Variants in PIEZO2 observed in about 807,000 individuals in gnomAD.
The protein encoded by PIEZO2 is piezo type mechanosensitive ion channel component 2, also known as piezo-type mechanosensitive ion channel component 2.
Under a neutral mutation model 337.3 loss-of-function variants are expected in PIEZO2, and 172 were observed. That is an observed-to-expected ratio of 0.51 (90% CI 0.45 to 0.58). The LOEUF (loss-of-function observed/expected upper bound fraction) is 0.58, where lower values mean the gene tolerates loss of function less well. Ranked by LOEUF, PIEZO2 falls within the 20% of genes least tolerant of loss-of-function variation. The pLI is 0.00. For synonymous variants in PIEZO2, 1,251 were observed against 1,228.5 expected (o/e 1.02, Z -0.38); for missense variants, 3,028 against 3,391.3 (o/e 0.89, Z 2.66).
Position 10,726,985 on chromosome 18 carries a change from A to G in PIEZO2, c.5029+4422T>C. ...CAGAGGCCCTGGACAGAAGCTCCAG[A>G]TAGGCCCCCAGAACATGAAGCTGTT... On this transcript the variant is annotated intron_variant, in intron 36 of 55. Coordinates refer to ENST00000674853, the MANE Select transcript of PIEZO2 (RefSeq NM_001378183.1). The surrounding 1 kb of genome is among the most constrained non-coding windows in gnomAD (Gnocchi z 5.9). The G allele has an allele frequency of 2.6e-6, 3 of 1,132,308 alleles. No homozygotes were observed. The highest frequency in any genetic ancestry group is 2.5e-6 in the Non-Finnish European group (2 of 799,816). The allele number at this position is 1,132,308 out of a possible 1,614,324, so 70.1% of individuals were successfully genotyped here. A position where few individuals can be genotyped will look rare whatever the true frequency, so the allele number is the denominator to read the frequency against.
chr18:10,901,023 A>C (rs1382165340), intron 4 of PIEZO2, among the ~76,000 whole-genome samples: 4 of 152,208 alleles, frequency 2.6e-5, no homozygotes, highest in African/African-American at 4.8e-5. Flanking sequence ...AGATTTATTA[A>C]AAACAAACAC....
chr18:10,702,611 A>G (rs572627695), intron 42 of PIEZO2, among the ~76,000 whole-genome samples: 53 of 152,330 alleles, frequency 3.5e-4, no homozygotes, highest in African/African-American at 1.2e-3. Context: ...CACGGTTAGG[A>G]TGTATGTAGT....
chr18:10,728,972 A>AC, intron 36 of PIEZO2, among the ~76,000 whole-genome samples: 1 of 148,156 alleles, frequency 6.7e-6, no homozygotes, highest in Non-Finnish European at 1.5e-5. Flanking sequence ...AAAAAAAAAA[A>AC]AACAAAAACC....
intron 2 of PIEZO2, among the ~76,000 whole-genome samples, chr18:11,018,223 GT>G (rs1257837596): frequency 6.2e-4 from 40 of 64,618 alleles, no homozygotes; most frequent in Admixed American, 4.1e-3. Flanking sequence ...TGGTGGTGGT[GT>G]GTGTGTGTGT....
At chr18:10,925,501 GCATGCA>G (rs1193577956) in intron 3 of PIEZO2, among the ~76,000 whole-genome samples, 1 of 152,112 alleles carries the variant, frequency 6.6e-6, no homozygotes, top group Non-Finnish European at 1.5e-5. Flanking sequence ...TAATCAGGCT[GCATGCA>G]CACACATTCC....
chr18:10,755,401 A>G (rs570208963), intron 27 of PIEZO2, among the ~76,000 whole-genome samples: 107 of 152,292 alleles, frequency 7.0e-4, no homozygotes, highest in African/African-American at 2.5e-3. Context: ...CATGATATAC[A>G]GCTAATAAGG....
intron 3 of PIEZO2, among the ~76,000 whole-genome samples, chr18:10,928,779 C>T (rs1009008217): frequency 4.6e-5 from 7 of 152,144 alleles, no homozygotes; most frequent in African/African-American, 1.7e-4. Flanking sequence ...ATCCATTTCT[C>T]CCCTATTTTA....
intron 7 of PIEZO2, among the ~76,000 whole-genome samples, chr18:10,818,356 A>C (rs1427910383): frequency 6.6e-6 from 1 of 152,244 alleles, no homozygotes; most frequent in East Asian, 1.9e-4. Flanking sequence ...AGCCCATTTC[A>C]TGGCAGGTGA....
In PIEZO2 at chr18:10,990,634, G is replaced by A. The variant is rs181186973; in HGVS notation, c.161-10974C>T. Among the ~76,000 whole-genome samples, 400 of 151,716 alleles carry A rather than the reference G, an allele frequency of 2.6e-3. 5 individuals carry two copies. Among genetic ancestry groups the A allele is most frequent in the African/African-American group, 8.7e-3 (361 of 41,428 alleles). The stretch of plus-strand genomic sequence containing the variant: ...TCTGTAGATTTATATGTTTATAAAT[G>A]TTACATATTTACATAATGCCAAAGA... On this transcript the variant is annotated intron_variant, in intron 2 of 55. Coordinates refer to ENST00000674853, the MANE Select transcript of PIEZO2 (RefSeq NM_001378183.1).
At chr18:11,054,104 T>C (rs1057295584) in intron 2 of PIEZO2, among the ~76,000 whole-genome samples, 3 of 152,214 alleles carry the variant, frequency 2.0e-5, no homozygotes, top group African/African-American at 7.2e-5. Flanking sequence ...TAATTATACA[T>C]TAGTTAATAA....
At position 10,782,304 on chromosome 18, in the gene PIEZO2, A is replaced by T. The variant is rs111211264; in HGVS notation, c.2493-1938T>A. On this transcript the variant is annotated intron_variant, in intron 17 of 55. Transcript: ENST00000674853. ...TATAATATAATTATAATTATATATAAATAATTATATAATATATTATAATTA... is the reference window on the plus strand; with the variant it reads ...TATAATATAATTATAATTATATATATATAATTATATAATATATTATAATTA... 7.0e-4 allele frequency among the ~76,000 whole-genome samples: 71 copies of T among 101,886 alleles called. 2 individuals carry two copies. The highest frequency in any genetic ancestry group is 3.0e-3 in the East Asian group (13 of 4,286). The allele number at this position is 101,886 out of a possible 152,430, so 66.8% of individuals were successfully genotyped here. A position where few individuals can be genotyped will look rare whatever the true frequency, so the allele number is the denominator to read the frequency against.
Position 10,794,979 on chromosome 18 carries a change from G to A in PIEZO2, c.1551C>T (p.Ser517=). 5 of 1,548,178 alleles carry A rather than the reference G, an allele frequency of 3.2e-6. No individual in the cohort carries two copies. The highest frequency in any genetic ancestry group is 4.4e-6 in the Non-Finnish European group (5 of 1,147,018). The change falls in exon 13 of 56, where the codon AGC becomes AGT. Residue 517 remains serine, a synonymous_variant. Transcript: ENST00000674853. This position sits in a 1 kb window ranked among gnomAD's most constrained non-coding sequence, Gnocchi z 6.6. Reference sequence around the variant, plus strand: ...AGATCAGCAGCACGAAGGTCAGCCAGCTGTGATAGGTGATGCTCCAGGCCT... The same window carrying A: ...AGATCAGCAGCACGAAGGTCAGCCAACTGTGATAGGTGATGCTCCAGGCCT... ...AMMAWSITYH[S]WLTFVLLIWS...
chr18:11,143,952 A>T lies in PIEZO2; in HGVS notation c.64+4573T>A, dbSNP rs1399977193. On this transcript the variant is annotated intron_variant, in intron 1 of 55. Coordinates refer to ENST00000674853, the MANE Select transcript of PIEZO2 (RefSeq NM_001378183.1). This position sits in a 1 kb window ranked among gnomAD's most constrained non-coding sequence, Gnocchi z 4.9. ...TAAAAGCGAAACAAAACCATAATAG[A>T]ATATGTTATTTACCATTTTACAGAA... Among the ~76,000 whole-genome samples, 1 of 152,218 alleles carries T rather than the reference A, an allele frequency of 6.6e-6. No homozygotes were observed. The highest frequency in any genetic ancestry group is 1.5e-5 in the Non-Finnish European group (1 of 68,042).
intron 36 of PIEZO2, among the ~76,000 whole-genome samples, chr18:10,723,109 A>C (rs2036391904): frequency 6.6e-6 from 1 of 151,988 alleles, no homozygotes; most frequent in Admixed American, 6.6e-5. Context: ...CTGGGATTAC[A>C]GGCATGGACC....
chr18:11,112,381 C>A lies in PIEZO2; in HGVS notation c.64+36144G>T, dbSNP rs2146150834. 6.6e-6 allele frequency among the ~76,000 whole-genome samples: 1 copy of A among 152,288 alleles called. No homozygotes were observed. The highest frequency in any genetic ancestry group is 2.4e-5 in the African/African-American group (1 of 41,552). On this transcript the variant is annotated intron_variant, in intron 1 of 55. Transcript: ENST00000674853. The surrounding 1 kb of genome is among the most constrained non-coding windows in gnomAD (Gnocchi z 4.3). Reference sequence around the variant, plus strand: ...AGGCCTGGTCCAGTCATTCTGAGAACAACCCTTCAACGCTTTAATTAAAGA... The same window carrying A: ...AGGCCTGGTCCAGTCATTCTGAGAAAAACCCTTCAACGCTTTAATTAAAGA...
At chr18:10,867,497 G>A (rs959676254) in intron 5 of PIEZO2, among the ~76,000 whole-genome samples, 2 of 152,168 alleles carry the variant, frequency 1.3e-5, no homozygotes, top group African/African-American at 4.8e-5. Context: ...TTAGCAGATG[G>A]GGATGACTTA....
chr18:10,983,271 T>C (rs1018981697), intron 2 of PIEZO2, among the ~76,000 whole-genome samples: 2 of 152,086 alleles, frequency 1.3e-5, no homozygotes, highest in African/African-American at 4.8e-5. Flanking sequence ...ATGAATATTT[T>C]TGTGGGAGCC....
At position 11,064,307 on chromosome 18, in the gene PIEZO2, G is replaced by A. The variant is rs1568342336; in HGVS notation, c.160+1820C>T. ...TAGTCATGGTTCTTGGTGCTAAATG[G>A]AGAAAGAGGAAAATAAGTCATCTGA... On this transcript the variant is annotated intron_variant, in intron 2 of 55. Coordinates refer to ENST00000674853, the MANE Select transcript of PIEZO2 (RefSeq NM_001378183.1). 2.6e-5 allele frequency among the ~76,000 whole-genome samples: 4 copies of A among 152,282 alleles called. 1 individual carries two copies. In the South Asian group the frequency reaches 6.2e-4, roughly 24 times the overall value.
intron 1 of PIEZO2, among the ~76,000 whole-genome samples, chr18:11,135,406 T>C (rs1380448163): frequency 6.6e-6 from 1 of 152,038 alleles, no homozygotes; most frequent in African/African-American, 2.4e-5. Context: ...AAAATCAGAG[T>C]ATGATTTTAA....
Sources: gnomAD v4.1 joint callset for allele counts (sites outside exome capture counted in the v4.1 genomes callset) on GRCh38, gnomAD v4.1.1 for gene constraint, Gnocchi (gnomAD v3.1) non-coding constraint, MANE v1.5 for transcripts, NCBI Gene and HGNC (gene_info 2026-07-23, HGNC 2026-07-21) for gene names.